Variants in CACHD1 observed in about 807,000 individuals in gnomAD.
CACHD1 encodes the protein VWFA and cache domain-containing protein 1.
In CACHD1, 71 loss-of-function variants were observed where a neutral mutation model predicts 138.7. The observed-to-expected ratio is 0.51, with a 90% CI of 0.42 to 0.62. The LOEUF is 0.62. CACHD1 is among the 20% of genes least tolerant of loss of function. CACHD1 has a pLI of 0.00. For synonymous variants in CACHD1, 578 were observed against 591.5 expected, an observed-to-expected ratio of 0.98 and a Z score of 0.33; for missense variants, 1,389 against 1,625.3, an observed-to-expected ratio of 0.85 and a Z score of 2.50.
intron 8 of CACHD1, among the ~76,000 whole-genome samples, chr1:64,643,581 A>T (rs1410787107): frequency 6.6e-6 from 1 of 152,232 alleles, no homozygotes; most frequent in Non-Finnish European, 1.5e-5. Flanking sequence ...TCATGCCTGT[A>T]ATCCCAGCAC....
At chr1:64,547,641 A>G (rs1456296304) in intron 1 of CACHD1, among the ~76,000 whole-genome samples, 1 of 152,128 alleles carries the variant, frequency 6.6e-6, no homozygotes, top group African/African-American at 2.4e-5. Context: ...TGCTGGGATT[A>G]CAGGCATGAG....
chr1:64,570,777 C>A (rs1325899590), intron 2 of CACHD1, among the ~76,000 whole-genome samples: 1 of 150,204 alleles, frequency 6.7e-6, no homozygotes, highest in African/African-American at 2.4e-5. Context: ...GGAAACATTT[C>A]TTTTTGTTGT....
At chr1:64,582,104 A>G (rs1336662774) in intron 2 of CACHD1, 52 bp from the exon 3 acceptor site, 16 of 1,583,042 alleles carry the variant, frequency 1.0e-5, no homozygotes, top group Admixed American at 1.8e-5. Flanking sequence ...AAAAAATACA[A>G]TGAGTTATTG....
At chr1:64,675,095 A>G (rs1229783741) in intron 19 of CACHD1, among the ~76,000 whole-genome samples, 6 of 152,186 alleles carry the variant, frequency 3.9e-5, no homozygotes, top group Admixed American at 6.5e-5. Flanking sequence ...TTTTCCTGGT[A>G]TATTGTTATG....
chr1:64,520,757 AC>A (rs1490311904), intron 1 of CACHD1, among the ~76,000 whole-genome samples: 1 of 152,178 alleles, frequency 6.6e-6, no homozygotes, highest in African/African-American at 2.4e-5. Flanking sequence ...GGGTGGGAAA[AC>A]ATATTAGTTA....
At chr1:64,621,997 G>T (rs1028420251) in intron 4 of CACHD1, among the ~76,000 whole-genome samples, 6 of 152,154 alleles carry the variant, frequency 3.9e-5, no homozygotes, top group African/African-American at 1.4e-4. Context: ...TGAACCTGTG[G>T]CTTTTCATTC....
intron 26 of CACHD1, among the ~76,000 whole-genome samples, chr1:64,684,109 C>T (rs1570482805): frequency 1.3e-5 from 2 of 152,144 alleles, no homozygotes; most frequent in East Asian, 1.9e-4. Context: ...ATGATCCTGA[C>T]CCTGTGTAGG....
chr1:64,611,163 C>T (rs1172050986), intron 4 of CACHD1, among the ~76,000 whole-genome samples: 1 of 152,196 alleles, frequency 6.6e-6, no homozygotes, highest in Admixed American at 6.5e-5. Flanking sequence ...GCCAAAGAAA[C>T]CATTTATTCC....
At chr1:64,656,419 G>A (rs541846945) in intron 12 of CACHD1, among the ~76,000 whole-genome samples, 2 of 152,058 alleles carry the variant, frequency 1.3e-5, no homozygotes, top group Admixed American at 6.6e-5. Flanking sequence ...AGGGTGAGCC[G>A]GCCACCAAAA....
intron 3 of CACHD1, among the ~76,000 whole-genome samples, chr1:64,585,841 A>G (rs1647047120): frequency 6.6e-6 from 1 of 152,202 alleles, no homozygotes; most frequent in African/African-American, 2.4e-5. Context: ...CCCTGAGCTG[A>G]TACTTTTCTA....
At chr1:64,561,700 TC>T (rs55655337) in intron 2 of CACHD1, among the ~76,000 whole-genome samples, 119,837 of 148,652 alleles carry the variant, frequency 0.81, 50,194 homozygotes, top group South Asian at 0.93. Flanking sequence ...ACAATTTTTT[TC>T]TTTTTAATTA....
intron 4 of CACHD1, among the ~76,000 whole-genome samples, chr1:64,620,121 C>T (rs1647856276): frequency 6.6e-6 from 1 of 152,020 alleles, no homozygotes; most frequent in Non-Finnish European, 1.5e-5. Context: ...GCTGGCAGCA[C>T]CATATCTTAT....
chr1:64,648,143 C>G, intron 9 of CACHD1, 109 bp downstream of exon 9: 1 of 788,294 alleles, frequency 1.3e-6, no homozygotes, highest in Non-Finnish European at 2.1e-6. Flanking sequence ...TGCCACCTGT[C>G]CTATATCTCT....
At chr1:64,597,394 C>T (rs1399597279) in intron 3 of CACHD1, among the ~76,000 whole-genome samples, 1 of 151,966 alleles carries the variant, frequency 6.6e-6, no homozygotes, top group African/African-American at 2.4e-5. Context: ...ATCTTGCAAG[C>T]CAGGCAGGGA....
At chr1:64,660,448 TA>T (rs1649403426) in intron 13 of CACHD1, among the ~76,000 whole-genome samples, 1 of 152,174 alleles carries the variant, frequency 6.6e-6, no homozygotes, top group South Asian at 2.1e-4. Context: ...GTTAAAATTA[TA>T]ATGCTATTGT....
intron 5 of CACHD1, among the ~76,000 whole-genome samples, chr1:64,631,120 A>G (rs1648289153): frequency 6.6e-6 from 1 of 152,216 alleles, no homozygotes; most frequent in Non-Finnish European, 1.5e-5. Flanking sequence ...TAACATCACT[A>G]TTTATATATC....
At chr1:64,538,071 T>C (rs936774253) in intron 1 of CACHD1, among the ~76,000 whole-genome samples, 4 of 152,190 alleles carry the variant, frequency 2.6e-5, no homozygotes, top group Non-Finnish European at 5.9e-5. Flanking sequence ...TGGCATGTGG[T>C]GCTGCAGCCT....
At chr1:64,497,804 C>A (rs1646314084) in intron 1 of CACHD1, among the ~76,000 whole-genome samples, 1 of 152,138 alleles carries the variant, frequency 6.6e-6, no homozygotes, top group Non-Finnish European at 1.5e-5. Context: ...CCAGAGTCTT[C>A]CAACAGTGGG....
chr1:64,487,629 T>C (rs184360272), intron 1 of CACHD1, among the ~76,000 whole-genome samples: 9 of 151,530 alleles, frequency 5.9e-5, no homozygotes, highest in Non-Finnish European at 1.2e-4. Flanking sequence ...TGGACCTCCT[T>C]TTTTAAAAAA....
Sources: allele counts gnomAD v4.1 joint callset (sites outside exome capture counted in the v4.1 genomes callset), GRCh38; gene constraint gnomAD v4.1.1; transcripts MANE v1.5; gene names NCBI Gene and HGNC (gene_info 2026-07-23, HGNC 2026-07-21).